SESTD1: variants seen among roughly 807,000 people sequenced by gnomAD.
SESTD1 encodes the protein SEC14 and spectrin domain containing 1, also known as SEC14 domain and spectrin repeat-containing protein 1.
SESTD1 carries 43 observed loss-of-function variants against 101.7 expected under a neutral mutation model. The ratio of observed to expected loss-of-function variants is 0.42; its 90% CI spans 0.33 to 0.55. SESTD1 has a LOEUF of 0.55. Among genes scored for constraint, SESTD1 ranks in the 20% least tolerant of loss-of-function variants. SESTD1 has a pLI of 0.07. For synonymous variants in SESTD1, 283 were observed against 286.8 expected (o/e 0.99, Z 0.13); for missense variants, 647 against 815.1 (o/e 0.79, Z 2.51).
intron 5 of SESTD1, among the ~76,000 whole-genome samples, chr2:179,167,661 A>G (rs984803112): frequency 1.3e-5 from 2 of 152,238 alleles, no homozygotes; most frequent in Non-Finnish European, 2.9e-5. Flanking sequence ...AATAACATAC[A>G]CAGAGGACCA....
intron 4 of SESTD1, among the ~76,000 whole-genome samples, chr2:179,172,494 C>G (rs1045704723): frequency 2.0e-5 from 3 of 152,108 alleles, no homozygotes; most frequent in African/African-American, 7.2e-5. Context: ...TTTACTGAAT[C>G]TCTGTACTAG....
intron 1 of SESTD1, among the ~76,000 whole-genome samples, chr2:179,230,416 A>T (rs1218219459): frequency 2.0e-5 from 3 of 152,056 alleles, no homozygotes; most frequent in African/African-American, 7.2e-5. Context: ...CATTACAGAC[A>T]TGAGCCACTG....
At chr2:179,237,091 G>C (rs1215469996) in intron 1 of SESTD1, among the ~76,000 whole-genome samples, 3 of 144,600 alleles carry the variant, frequency 2.1e-5, no homozygotes, top group African/African-American at 7.4e-5. Context: ...TGTTGCACTT[G>C]CCCTCCTTTC....
intron 1 of SESTD1, among the ~76,000 whole-genome samples, chr2:179,221,919 CA>C (rs947967033): frequency 3.6e-4 from 51 of 142,756 alleles, no homozygotes; most frequent in South Asian, 3.4e-3. Flanking sequence ...GACCCTGTCT[CA>C]AAAAAAAAAA....
chr2:179,191,640 G>C (rs2046321600), intron 2 of SESTD1, 147 bp downstream of exon 2: 1 of 701,342 alleles, frequency 1.4e-6, no homozygotes, highest in African/African-American at 1.8e-5. Flanking sequence ...AGCTCTCCTA[G>C]CTCTTCATTC....
At chr2:179,137,938 AC>A (rs2045189556) in intron 9 of SESTD1, among the ~76,000 whole-genome samples, 1 of 152,208 alleles carries the variant, frequency 6.6e-6, no homozygotes, top group African/African-American at 2.4e-5. Flanking sequence ...GCTCTGTGTG[AC>A]CAACATATGA....
chr2:179,240,140 G>C (rs577419659), intron 1 of SESTD1, among the ~76,000 whole-genome samples: 1 of 152,252 alleles, frequency 6.6e-6, no homozygotes, highest in South Asian at 2.1e-4. Flanking sequence ...CTATAGAATA[G>C]AATTCTATAG....
At position 179,201,089 on chromosome 2, in the gene SESTD1, A is replaced by C. The variant is rs1360410952; in HGVS notation, c.-25-9223T>G. ...ACAAATTTACAAGAAAAAAACAAAC[A>C]ACCCCATCAAAAAGTGGGCGAAGGA... On this transcript the variant is annotated intron_variant, in intron 1 of 17. Transcript: ENST00000428443. 1.5e-5 allele frequency among the ~76,000 whole-genome samples: 2 copies of C among 134,468 alleles called. 1 individual carries two copies. Among genetic ancestry groups the C allele is most frequent in the East Asian group, 4.0e-4 (2 of 5,040 alleles). The allele number at this position is 134,468 out of a possible 152,430, so 88.2% of individuals were successfully genotyped here.
chr2:179,175,743 T>C (rs1347811185), intron 4 of SESTD1, among the ~76,000 whole-genome samples: 3 of 152,184 alleles, frequency 2.0e-5, no homozygotes, highest in Admixed American at 6.5e-5. Flanking sequence ...ATATCTTCAA[T>C]ACCCTTAAAA....
intron 1 of SESTD1, among the ~76,000 whole-genome samples, chr2:179,233,598 C>T (rs937200023): frequency 7.9e-5 from 12 of 152,032 alleles, no homozygotes; most frequent in African/African-American, 1.4e-4. Context: ...GGGTTAGAGG[C>T]GCATACCACA....
chr2:179,109,962 C>G lies in SESTD1; in HGVS notation c.2028G>C (p.Met676Ile), dbSNP rs1379979069. The G allele has an allele frequency of 6.2e-7, 1 of 1,613,938 alleles. No homozygotes were observed. The highest frequency in any genetic ancestry group is 8.5e-7 in the Non-Finnish European group (1 of 1,179,918). Residue 676 changes from methionine (M) to isoleucine (I), a missense_variant, in exon 18 of 18, where the codon ATG becomes ATC. Transcript: ENST00000428443. Reference sequence around the variant, plus strand: ...GCTGCCTTTTGAGATTAACTAGTTTCATCCTGTCTCTGATGTTTTCTGCAG... The same window carrying G: ...GCTGCCTTTTGAGATTAACTAGTTTGATCCTGTCTCTGATGTTTTCTGCAG... ...ASTAENIRDR[M>I]KLVNLKRQQL...
intron 1 of SESTD1, among the ~76,000 whole-genome samples, chr2:179,257,406 C>G (rs970687833): frequency 5.3e-5 from 8 of 152,130 alleles, no homozygotes; most frequent in African/African-American, 1.9e-4. Context: ...TGAAGATATA[C>G]GTAGATCATT....
chr2:179,249,212 T>TAAAAAA (rs58597141), intron 1 of SESTD1, among the ~76,000 whole-genome samples: 3 of 125,996 alleles, frequency 2.4e-5, no homozygotes, highest in African/African-American at 6.0e-5. Flanking sequence ...GCATACAGAT[T>TAAAAAA]AAAAAAAAAA....
At chr2:179,154,387 T>C (rs2045587314) in intron 5 of SESTD1, among the ~76,000 whole-genome samples, 1 of 152,196 alleles carries the variant, frequency 6.6e-6, no homozygotes, top group Non-Finnish European at 1.5e-5. Context: ...ACTGTATTAC[T>C]GGATAGACAA....
intron 1 of SESTD1, among the ~76,000 whole-genome samples, chr2:179,220,635 C>T (rs2046801846): frequency 6.6e-6 from 1 of 152,164 alleles, no homozygotes; most frequent in African/African-American, 2.4e-5. Flanking sequence ...CCACTAAATT[C>T]ACCTAGCTGG....
chr2:179,162,769 C>T (rs1035508657), intron 5 of SESTD1, among the ~76,000 whole-genome samples: 2 of 148,434 alleles, frequency 1.3e-5, no homozygotes, highest in African/African-American at 5.0e-5. Flanking sequence ...AGGTGGATCA[C>T]AAGGTAGGAG....
intron 1 of SESTD1, among the ~76,000 whole-genome samples, chr2:179,228,469 C>T (rs186863093): frequency 7.9e-5 from 12 of 152,222 alleles, no homozygotes; most frequent in Non-Finnish European, 1.6e-4. Flanking sequence ...AAGATACAAG[C>T]CTGTGGTGGG....
chr2:179,113,847 C>T (rs1332024951), intron 16 of SESTD1, among the ~76,000 whole-genome samples: 1 of 143,584 alleles, frequency 7.0e-6, no homozygotes, highest in Non-Finnish European at 1.5e-5. Flanking sequence ...GCCTGGGCAA[C>T]AGAGTGAGAC....
chr2:179,253,873 G>A (rs1055879970), intron 1 of SESTD1, among the ~76,000 whole-genome samples: 5 of 151,934 alleles, frequency 3.3e-5, no homozygotes, highest in East Asian at 1.9e-4. Flanking sequence ...TGAAGCAAGC[G>A]GATCTGCTTG....
Sources: allele counts gnomAD v4.1 joint callset (sites outside exome capture counted in the v4.1 genomes callset), GRCh38; gene constraint gnomAD v4.1.1; transcripts MANE v1.5; gene names NCBI Gene and HGNC (gene_info 2026-07-23, HGNC 2026-07-21).